Variants in CADM2 observed in about 807,000 individuals in gnomAD.
CADM2 encodes cell adhesion molecule 2.
A neutral mutation model predicts 49.8 loss-of-function variants in CADM2; 12 were observed. The observed-to-expected ratio is 0.24, with a 90% CI of 0.15 to 0.39. CADM2 has a LOEUF of 0.39. Ranked by LOEUF, CADM2 falls within the 10% of genes least tolerant of loss-of-function variation. The probability of loss-of-function intolerance (pLI) is 1.00; values close to 1 mark genes in which losing one functional copy is unlikely to be tolerated. For missense variants in CADM2, 378 were observed against 492.3 expected (o/e 0.77, Z 2.20); for synonymous variants, 214 against 175.4 (o/e 1.22, Z -1.74).
intron 1 of CADM2, among the ~76,000 whole-genome samples, chr3:85,298,837 C>T (rs1007244495): frequency 1.3e-5 from 2 of 152,148 alleles, no homozygotes; most frequent in African/African-American, 4.8e-5. Flanking sequence ...AACATATAGT[C>T]ATTGAGTTAT....
At chr3:86,005,768 G>C (rs1676917824) in intron 8 of CADM2, among the ~76,000 whole-genome samples, 3 of 152,064 alleles carry the variant, frequency 2.0e-5, no homozygotes, top group Admixed American at 6.6e-5. Flanking sequence ...CTATTGTGCT[G>C]TCAAATAGTA....
At chr3:85,787,200 A>G (rs1005620891) in intron 2 of CADM2, among the ~76,000 whole-genome samples, 2 of 151,878 alleles carry the variant, frequency 1.3e-5, no homozygotes, top group East Asian at 3.8e-4. Flanking sequence ...ATTTTTCATC[A>G]AAGAGTGAGG....
intron 1 of CADM2, among the ~76,000 whole-genome samples, chr3:84,982,702 C>CATATAT (rs71104999): frequency 0.065 from 4,953 of 75,968 alleles, 318 homozygotes; most frequent in African/African-American, 0.078. Context: ...AACTATAAAG[C>CATATAT]ATATATATAT....
At chr3:86,005,380 A>T (rs1730656711) in intron 8 of CADM2, among the ~76,000 whole-genome samples, 1 of 152,024 alleles carries the variant, frequency 6.6e-6, no homozygotes, top group Non-Finnish European at 1.5e-5. Context: ...GTGAAACCCC[A>T]TTCCTATTAA....
intron 8 of CADM2, chr3:86,013,910 A>G: frequency 6.3e-7 from 1 of 1,593,182 alleles, no homozygotes. Flanking sequence ...CTATCTACAC[A>G]CTCTGAACTT....
At chr3:85,803,583 T>C (rs1483557309) in intron 3 of CADM2, among the ~76,000 whole-genome samples, 1 of 152,046 alleles carries the variant, frequency 6.6e-6, no homozygotes, top group African/African-American at 2.4e-5. Context: ...AATTTTGGGG[T>C]CTGGCAAGTT....
intron 1 of CADM2, among the ~76,000 whole-genome samples, chr3:85,425,771 A>T (rs886801886): frequency 3.3e-5 from 5 of 152,210 alleles, no homozygotes; most frequent in Non-Finnish European, 2.9e-5. Context: ...AGTTTGAGAG[A>T]TAAAGGTGGG....
intron 8 of CADM2, among the ~76,000 whole-genome samples, chr3:86,053,719 A>G (rs1304952080): frequency 9.9e-5 from 15 of 152,068 alleles, no homozygotes. Context: ...AGGAGCTTGG[A>G]CAATAACATA....
intron 1 of CADM2, among the ~76,000 whole-genome samples, chr3:85,605,975 A>T (rs1218371503): frequency 6.6e-6 from 1 of 152,096 alleles, no homozygotes; most frequent in East Asian, 1.9e-4. Context: ...AAAGTTCATG[A>T]AGCAGATTTG....
chr3:84,977,440 T>C (rs556304676), intron 1 of CADM2, among the ~76,000 whole-genome samples: 3 of 152,052 alleles, frequency 2.0e-5, no homozygotes, highest in Non-Finnish European at 4.4e-5. Flanking sequence ...TTGGGGAATC[T>C]ATCTTACCAC....
At chr3:85,254,653 A>T (rs115671277) in intron 1 of CADM2, among the ~76,000 whole-genome samples, 1 of 152,114 alleles carries the variant, frequency 6.6e-6, no homozygotes, top group Non-Finnish European at 1.5e-5. Flanking sequence ...TTCGTTCATG[A>T]ATGTGAGAAG....
At chr3:86,024,557 A>G (rs1048328779) in intron 8 of CADM2, among the ~76,000 whole-genome samples, 1 of 152,176 alleles carries the variant, frequency 6.6e-6, no homozygotes, top group Non-Finnish European at 1.5e-5. Flanking sequence ...TGGAGCAATT[A>G]TATATGTAAT....
intron 1 of CADM2, among the ~76,000 whole-genome samples, chr3:85,497,858 G>A (rs6807461): frequency 0.87 from 132,708 of 151,902 alleles, 58,115 homozygotes; most frequent in East Asian, 0.95. Context: ...CCATTTATCT[G>A]TATATCTATT....
intron 8 of CADM2, among the ~76,000 whole-genome samples, chr3:86,063,432 T>C (rs1177735170): frequency 6.6e-6 from 1 of 151,604 alleles, no homozygotes; most frequent in East Asian, 1.9e-4. Flanking sequence ...TTGACAAGGT[T>C]TGTTGTTCCC....
intron 1 of CADM2, among the ~76,000 whole-genome samples, chr3:85,682,228 T>C (rs1189725175): frequency 6.6e-6 from 1 of 152,018 alleles, no homozygotes; most frequent in Non-Finnish European, 1.5e-5. Flanking sequence ...GGTGAAATAT[T>C]TGGGAGAAAA....
Position 86,048,012 on chromosome 3 carries a change from T to C in CADM2, c.971-17593T>C, listed in dbSNP as rs145213368. Among the ~76,000 whole-genome samples the C allele has an allele frequency of 6.5e-3, 988 of 152,280 alleles. 10 individuals are homozygous for C. The highest frequency in any genetic ancestry group is 0.028 in the Admixed American group (431 of 15,304). ...TCTAACTTTTCAACTATGATGTTTT[T>C]ACATAATAAGAAAACATGTATCAAA... is the stretch of plus-strand genomic sequence containing the variant. On this transcript the variant is annotated intron_variant, in intron 8 of 9. Transcript: ENST00000383699.
chr3:84,987,836 T>C (rs548552987), intron 1 of CADM2, among the ~76,000 whole-genome samples: 3 of 152,330 alleles, frequency 2.0e-5, no homozygotes, highest in African/African-American at 7.2e-5. Flanking sequence ...CATCTACTAA[T>C]GTACCACAAC....
intron 1 of CADM2, among the ~76,000 whole-genome samples, chr3:84,970,317 A>G (rs2031334268): frequency 6.6e-6 from 1 of 150,728 alleles, no homozygotes; most frequent in Admixed American, 6.6e-5. Context: ...GGATGGAAAT[A>G]TTATCTGCCT....
At chr3:85,825,805 G>A (rs946420333) in intron 3 of CADM2, among the ~76,000 whole-genome samples, 6 of 151,896 alleles carry the variant, frequency 4.0e-5, no homozygotes, top group South Asian at 2.1e-4. Context: ...TTGTTTACAT[G>A]GATGAATTAT....
Sources: gnomAD v4.1 joint callset for allele counts (sites outside exome capture counted in the v4.1 genomes callset) on GRCh38, gnomAD v4.1.1 for gene constraint, MANE v1.5 for transcripts, NCBI Gene and HGNC (gene_info 2026-07-23, HGNC 2026-07-21) for gene names.